The following CD8B variants were observed in gnomAD, a reference collection of about 807,000 sequenced individuals.
The protein encoded by CD8B is T-cell surface glycoprotein CD8 beta chain.
In CD8B, 6 loss-of-function variants were observed where a neutral mutation model predicts 24.2. The ratio of observed to expected loss-of-function variants is 0.25; its 90% CI spans 0.14 to 0.49. The LOEUF (loss-of-function observed/expected upper bound fraction) is 0.49. CD8B is among the 20% of genes least tolerant of loss of function. CD8B has a pLI of 0.98. For missense variants in CD8B, 196 were observed against 271.3 expected (o/e 0.72, Z 1.95); for synonymous variants, 84 against 108.3 (o/e 0.78, Z 1.39).
At chr2:86,848,275 A>C (rs150227361) in intron 3 of CD8B, among the ~76,000 whole-genome samples, 1 of 152,176 alleles carries the variant, frequency 6.6e-6, no homozygotes, top group Non-Finnish European at 1.5e-5. Flanking sequence ...GATATCATCA[A>C]AATGTTTTAG....
chr2:86,856,451 GC>G (rs757269314), intron 2 of CD8B, among the ~76,000 whole-genome samples: 20 of 152,216 alleles, frequency 1.3e-4, no homozygotes, highest in Non-Finnish European at 2.4e-4. Flanking sequence ...GTGAAGGGAT[GC>G]CTCAGCTTCT....
intron 5 of CD8B, among the ~76,000 whole-genome samples, chr2:86,827,814 C>G (rs1674752082): frequency 6.6e-6 from 1 of 152,160 alleles, no homozygotes; most frequent in Non-Finnish European, 1.5e-5. Context: ...CAGTTTGCTG[C>G]TGTTTCACCC....
Position 86,815,648 on chromosome 2 carries a change from T to TTGTA in CD8B, c.687_690dup (p.Thr231TyrfsTer8). On this transcript the variant is annotated frameshift_variant, in exon 6 of 6. Transcript: ENST00000331469. LOFTEE classifies it low-confidence loss of function (END_TRUNC). ...CATGGGTTAAGCAGCTTCTGTGAGG[T>TTGTA]TGTAGTATTGCTGTAGTATCCATGC... The TTGTA allele has an allele frequency of 1.9e-6, 3 of 1,613,536 alleles. No individual in the cohort carries two copies. The highest frequency in any genetic ancestry group is 2.5e-6 in the Non-Finnish European group (3 of 1,179,442).
At position 86,840,648 on chromosome 2, in the gene CD8B, G is replaced by C. The variant is rs1675380036; in HGVS notation, c.*1659C>G. On this transcript the variant is annotated 3_prime_UTR_variant, in exon 6 of 6. Coordinates refer to ENST00000390655, the MANE Select transcript of CD8B (RefSeq NM_004931.5). ...TCTGCTTAGGGTCCACTCCTACCAT[G>C]TGGAGTGCTTTCTCACTTCAATAAA... Among the ~76,000 whole-genome samples, 1 of 152,208 alleles carries C rather than the reference G, an allele frequency of 6.6e-6. No individual in the cohort carries two copies. Among genetic ancestry groups the C allele is most frequent in the African/African-American group, 2.4e-5 (1 of 41,452 alleles).
At chr2:86,835,305 G>T (rs1235632098), downstream of CD8B, among the ~76,000 whole-genome samples, 1 of 152,228 alleles carries the variant, frequency 6.6e-6, no homozygotes, top group African/African-American at 2.4e-5. Flanking sequence ...TGCTTGTCTT[G>T]TGGAAGCCAC....
In CD8B at chr2:86,846,730, G is replaced by A. The variant is rs368685988; in HGVS notation, c.537C>T (p.Gly179=). 5.6e-5 allele frequency: 89 copies of A among 1,585,332 alleles called. No individual in the cohort carries two copies. The African/African-American group carries it at 6.3e-4, about 11-fold the overall frequency. ...SPITLGLLVA[G]VLVLLVSLGV... ...CCAGGGAAACCAGCAGAACCAGGAC[G>A]CCAGCCACCAGCAGGCCAAGGGTGA... Residue 179 remains glycine, a synonymous_variant, in exon 4 of 6, where the codon GGC becomes GGT. Coordinates refer to ENST00000390655, the MANE Select transcript of CD8B (RefSeq NM_004931.5).
chr2:86,838,488 A>G lies in CD8B; in HGVS notation c.*3819T>C, dbSNP rs1675267463. 9.4e-6 allele frequency among the ~76,000 whole-genome samples: 1 copy of G among 106,112 alleles called. No homozygotes were observed. The highest frequency in any genetic ancestry group is 2.9e-5 in the African/African-American group (1 of 34,658). 69.6% of individuals were successfully genotyped at this position (106,112 alleles called of 152,430 possible). A position where few individuals can be genotyped will look rare whatever the true frequency, so the allele number is the denominator to read the frequency against. Reference sequence around the variant, plus strand: ...AAAAAATATGGGAAGAAAAAAAAACAAGAAACTTTTTAGAAAAAATTTATT... The same window carrying G: ...AAAAAATATGGGAAGAAAAAAAAACGAGAAACTTTTTAGAAAAAATTTATT... On this transcript the variant is annotated 3_prime_UTR_variant, in exon 6 of 6. Coordinates refer to ENST00000390655, the MANE Select transcript of CD8B (RefSeq NM_004931.5).
chr2:86,836,264 C>T (rs181536467), downstream of CD8B, among the ~76,000 whole-genome samples: 281 of 152,220 alleles, frequency 1.8e-3, 2 homozygotes, highest in African/African-American at 6.5e-3. Context: ...GTTCTGGCCT[C>T]AGGCTTAGGA....
downstream of CD8B, among the ~76,000 whole-genome samples, chr2:86,837,741 G>C (rs1573505375): frequency 1.5e-5 from 2 of 133,224 alleles, no homozygotes; most frequent in African/African-American, 2.8e-5. Flanking sequence ...TTCTTCTTTT[G>C]AACAGGCCGG....
Position 86,843,994 on chromosome 2 carries a change from G to C in CD8B, c.620+928C>G, listed in dbSNP as rs1485779889. 2.0e-5 allele frequency among the ~76,000 whole-genome samples: 3 copies of C among 152,180 alleles called. No individual in the cohort carries two copies. The South Asian group carries it at 6.2e-4, about 32-fold the overall frequency. Reference sequence around the variant, plus strand: ...CCCCCAAACATTTCTGTATAGAGGGGGTTGTTCTAAGGATCAAATGTAATT... The same window carrying C: ...CCCCCAAACATTTCTGTATAGAGGGCGTTGTTCTAAGGATCAAATGTAATT... On this transcript the variant is annotated intron_variant, in intron 5 of 5. Coordinates refer to ENST00000390655, the MANE Select transcript of CD8B (RefSeq NM_004931.5).
chr2:86,822,575 T>A (rs182563312), intron 5 of CD8B, among the ~76,000 whole-genome samples: 1 of 152,344 alleles, frequency 6.6e-6, no homozygotes, highest in Non-Finnish European at 1.5e-5. Flanking sequence ...AAACATACAT[T>A]CAGCATGATT....
intron 2 of CD8B, among the ~76,000 whole-genome samples, chr2:86,854,987 G>A (rs1003309209): frequency 2.0e-5 from 3 of 152,046 alleles, no homozygotes; most frequent in Admixed American, 2.0e-4. Context: ...TGGGCGTGGT[G>A]GCACGTGCCT....
chr2:86,828,724 C>G (rs543225260), intron 5 of CD8B, among the ~76,000 whole-genome samples: 1 of 152,170 alleles, frequency 6.6e-6, no homozygotes, highest in East Asian at 1.9e-4. Context: ...CACAGAAAAG[C>G]AAAGAGAAGA....
intron 1 of CD8B, among the ~76,000 whole-genome samples, chr2:86,861,134 C>T (rs924489213): frequency 6.6e-6 from 1 of 152,124 alleles, no homozygotes; most frequent in African/African-American, 2.4e-5. Context: ...TTTTTGGGCA[C>T]GAGAGCAAAT....
chr2:86,845,554 T>C (rs1373632409), intron 4 of CD8B, among the ~76,000 whole-genome samples: 1 of 152,240 alleles, frequency 6.6e-6, no homozygotes, highest in Non-Finnish European at 1.5e-5. Flanking sequence ...CCTCAGCCTC[T>C]CGAGTACGGG....
intron 3 of CD8B, among the ~76,000 whole-genome samples, chr2:86,848,863 T>A (rs1429981859): frequency 6.6e-6 from 1 of 152,166 alleles, no homozygotes; most frequent in African/African-American, 2.4e-5. Context: ...ATTACAGGCA[T>A]CTGTCACCAC....
Sources: gnomAD v4.1 joint callset for allele counts (sites outside exome capture counted in the v4.1 genomes callset) on GRCh38, gnomAD v4.1.1 for gene constraint, MANE v1.5 for transcripts, NCBI Gene and HGNC (gene_info 2026-07-23, HGNC 2026-07-21) for gene names.